Variants in SAXO1 observed in about 807,000 individuals in gnomAD.
SAXO1 encodes stabilizer of axonemal microtubules 1.
In SAXO1, 21 loss-of-function variants were observed where a neutral mutation model predicts 17.5. The ratio of observed to expected loss-of-function variants is 1.20; its 90% CI spans 0.85 to 1.72. The LOEUF (loss-of-function observed/expected upper bound fraction) is 1.72. Ranked by LOEUF, SAXO1 falls within the 40% of genes most tolerant of loss-of-function variation. SAXO1 has a pLI of 0.00. For synonymous variants in SAXO1, 274 were observed against 216.5 expected, an observed-to-expected ratio of 1.27 and a Z score of -2.33; for missense variants, 843 against 596.0, an observed-to-expected ratio of 1.41 and a Z score of -4.32.
At chr9:18,953,222 T>C (rs576652387) in intron 1 of SAXO1, among the ~76,000 whole-genome samples, 1 of 152,230 alleles carries the variant, frequency 6.6e-6, no homozygotes, top group African/African-American at 2.4e-5. Flanking sequence ...CAGGCACTTA[T>C]AATAAAATGG....
intron 1 of SAXO1, among the ~76,000 whole-genome samples, chr9:18,968,103 CTAAG>C (rs1428565015): frequency 6.6e-6 from 1 of 152,190 alleles, no homozygotes; most frequent in Non-Finnish European, 1.5e-5. Context: ...CCCAATGAGA[CTAAG>C]TGAGTACCTC....
intron 1 of SAXO1, among the ~76,000 whole-genome samples, chr9:18,971,423 G>A (rs1280565550): frequency 6.6e-6 from 1 of 151,118 alleles, no homozygotes; most frequent in African/African-American, 2.5e-5. Flanking sequence ...TTCAAAATAG[G>A]AGCCAAATCC....
intron 1 of SAXO1, among the ~76,000 whole-genome samples, chr9:18,975,779 C>T (rs756926413): frequency 1.2e-4 from 19 of 152,142 alleles, no homozygotes; most frequent in Non-Finnish European, 4.4e-5. Flanking sequence ...GGAGTGAGCA[C>T]GTAAAACATT....
intron 3 of SAXO1, among the ~76,000 whole-genome samples, chr9:18,933,368 T>C (rs1831138585): frequency 6.6e-6 from 1 of 152,240 alleles, no homozygotes; most frequent in Non-Finnish European, 1.5e-5. Context: ...CTCATAGTTT[T>C]ATAAATATTG....
intron 1 of SAXO1, among the ~76,000 whole-genome samples, chr9:18,969,967 T>G (rs975540555): frequency 6.6e-6 from 1 of 152,230 alleles, no homozygotes; most frequent in African/African-American, 2.4e-5. Context: ...TCATTACATC[T>G]GATTCCTCTC....
rs959675077 is a variant in SAXO1 at position 19,044,324 on chromosome 9, C to T, written c.-158+4885G>A. On this transcript the variant is annotated intron_variant, in intron 1 of 3. Coordinates refer to the SAXO1 transcript ENST00000542071. ...TAAAAACAAAAAAAACTTTTCAATT[C>T]TCTTTGGGTATTACTTACTATCAAA... 3.3e-5 allele frequency among the ~76,000 whole-genome samples: 5 copies of T among 152,228 alleles called. 1 individual carries two copies. The highest frequency in any genetic ancestry group is 1.3e-4 in the Admixed American group (2 of 15,294).
At chr9:18,998,741 G>T (rs1834118399) in intron 1 of SAXO1, among the ~76,000 whole-genome samples, 1 of 152,216 alleles carries the variant, frequency 6.6e-6, no homozygotes, top group Non-Finnish European at 1.5e-5. Context: ...ACAAAGGGAA[G>T]CCCATTAGAC....
At chr9:18,975,918 C>A (rs1317120602) in intron 1 of SAXO1, among the ~76,000 whole-genome samples, 1 of 152,164 alleles carries the variant, frequency 6.6e-6, no homozygotes, top group African/African-American at 2.4e-5. Flanking sequence ...TTCACTCACC[C>A]TTGAACTCCA....
intron 1 of SAXO1, among the ~76,000 whole-genome samples, chr9:19,040,665 G>C (rs1226417114): frequency 6.6e-6 from 1 of 151,732 alleles, no homozygotes; most frequent in African/African-American, 2.4e-5. Flanking sequence ...GAAAAAAAAA[G>C]AGAGAGAGAG....
At chr9:18,982,577 A>T (rs759900450) in intron 1 of SAXO1, among the ~76,000 whole-genome samples, 9 of 152,282 alleles carry the variant, frequency 5.9e-5, no homozygotes, top group Non-Finnish European at 1.3e-4. Context: ...CTCTGAGCAA[A>T]CCTTTCCTTC....
At chr9:19,008,043 C>T (rs934246091) in intron 1 of SAXO1, among the ~76,000 whole-genome samples, 4 of 151,710 alleles carry the variant, frequency 2.6e-5, no homozygotes, top group African/African-American at 9.7e-5. Flanking sequence ...TCTCAGCTCA[C>T]TGTAGCATTG....
intron 1 of SAXO1, among the ~76,000 whole-genome samples, chr9:19,022,934 A>C (rs1275587100): frequency 6.6e-6 from 1 of 152,166 alleles, no homozygotes; most frequent in East Asian, 1.9e-4. Flanking sequence ...TGTTTTGAAG[A>C]CTTGCAAAGT....
chr9:18,998,084 C>T (rs1292014058), intron 1 of SAXO1, among the ~76,000 whole-genome samples: 1 of 152,112 alleles, frequency 6.6e-6, no homozygotes, highest in Non-Finnish European at 1.5e-5. Context: ...CAACTCCTCA[C>T]CAGGGAACAA....
intron 3 of SAXO1, among the ~76,000 whole-genome samples, chr9:18,929,456 G>A (rs560518002): frequency 1.3e-5 from 2 of 152,296 alleles, no homozygotes; most frequent in African/African-American, 4.8e-5. Flanking sequence ...GTGATGTAGT[G>A]AGATAGAAAA....
intron 1 of SAXO1, among the ~76,000 whole-genome samples, chr9:19,005,286 T>A (rs987967800): frequency 6.6e-6 from 1 of 151,978 alleles, no homozygotes; most frequent in Non-Finnish European, 1.5e-5. Flanking sequence ...CTGAAGTTCA[T>A]ATTGAATCTC....
chr9:19,041,988 T>C (rs1836089685), intron 1 of SAXO1, among the ~76,000 whole-genome samples: 1 of 151,828 alleles, frequency 6.6e-6, no homozygotes, highest in African/African-American at 2.4e-5. Context: ...ATAGAAACAA[T>C]CAACAAATCA....
chr9:18,937,029 G>C (rs935153368), intron 3 of SAXO1, among the ~76,000 whole-genome samples: 2 of 152,162 alleles, frequency 1.3e-5, no homozygotes, highest in Non-Finnish European at 2.9e-5. Context: ...CTTGGTCTTT[G>C]GTTTCTCTTT....
At chr9:18,963,938 T>C (rs1382960720) in intron 1 of SAXO1, among the ~76,000 whole-genome samples, 1 of 152,236 alleles carries the variant, frequency 6.6e-6, no homozygotes, top group Admixed American at 6.5e-5. Context: ...TTGTCATAAA[T>C]AGTTCTTATT....
intron 1 of SAXO1, among the ~76,000 whole-genome samples, chr9:18,975,788 T>C (rs80306665): frequency 0.032 from 4,913 of 152,258 alleles, 255 homozygotes; most frequent in African/African-American, 0.11. Context: ...ACGTAAAACA[T>C]TCTTCGACCA....
Sources: allele counts gnomAD v4.1 joint callset (sites outside exome capture counted in the v4.1 genomes callset), GRCh38; gene constraint gnomAD v4.1.1; transcripts MANE v1.5; gene names NCBI Gene and HGNC (gene_info 2026-07-23, HGNC 2026-07-21).